Variants in ARAP2 observed in about 807,000 individuals in gnomAD.
ARAP2 encodes ArfGAP with RhoGAP domain, ankyrin repeat and PH domain 2, also known as arf-GAP with Rho-GAP domain, ANK repeat and PH domain-containing protein 2.
A neutral mutation model predicts 194.5 loss-of-function variants in ARAP2; 148 were observed. That is an observed-to-expected ratio of 0.76 (90% CI 0.67 to 0.87). ARAP2 has a LOEUF of 0.87. ARAP2 is among the 40% of genes least tolerant of loss of function. The probability of loss-of-function intolerance (pLI) is 0.00; values close to 1 mark genes in which losing one functional copy is unlikely to be tolerated. For synonymous variants in ARAP2, 695 were observed against 683.5 expected (o/e 1.02, Z -0.26); for missense variants, 2,128 against 1,989.7 (o/e 1.07, Z -1.32).
chr4:36,051,154 C>G (rs1052407704), intron 3 of ARAP2, among the ~76,000 whole-genome samples: 1 of 152,180 alleles, frequency 6.6e-6, no homozygotes, highest in Non-Finnish European at 1.5e-5. Flanking sequence ...TTCTTACTAA[C>G]TAGTTTTAGG....
intron 5 of ARAP2, among the ~76,000 whole-genome samples, chr4:36,034,315 C>G (rs191879810): frequency 1.6e-4 from 25 of 152,132 alleles, no homozygotes; most frequent in African/African-American, 5.5e-4. Context: ...TTCTCTGATT[C>G]CTTTAAGCAG....
intron 27 of ARAP2, among the ~76,000 whole-genome samples, chr4:36,102,853 A>C (rs955815823): frequency 1.3e-5 from 2 of 151,966 alleles, no homozygotes; most frequent in Admixed American, 6.6e-5. Context: ...AGGGTTTCTC[A>C]CCACAGAATT....
At chr4:36,109,652 T>C (rs1050882377) in intron 26 of ARAP2, among the ~76,000 whole-genome samples, 6 of 151,924 alleles carry the variant, frequency 3.9e-5, no homozygotes, top group African/African-American at 1.2e-4. Flanking sequence ...CTAATTGAAG[T>C]TAGATATATT....
intron 2 of ARAP2, among the ~76,000 whole-genome samples, chr4:36,219,740 T>C (rs150211144): frequency 3.9e-5 from 6 of 152,192 alleles, no homozygotes; most frequent in Non-Finnish European, 7.4e-5. Flanking sequence ...ACATAAAATA[T>C]TGGATAAGGT....
chr4:36,166,433 A>C (rs1735303870), intron 10 of ARAP2, among the ~76,000 whole-genome samples: 1 of 152,128 alleles, frequency 6.6e-6, no homozygotes, highest in Non-Finnish European at 1.5e-5. Context: ...TATATAAAAA[A>C]ATGCTAAAGT....
At chr4:36,193,544 A>G (rs1329043979) in intron 7 of ARAP2, 34 bp downstream of exon 7, 3 of 1,493,708 alleles carry the variant, frequency 2.0e-6, no homozygotes, top group African/African-American at 2.8e-5. Context: ...TATGCATAAA[A>G]AAGCAATTTT....
intron 15 of ARAP2, among the ~76,000 whole-genome samples, chr4:36,156,756 G>T (rs1732646177): frequency 6.6e-6 from 1 of 152,096 alleles, no homozygotes; most frequent in Non-Finnish European, 1.5e-5. Flanking sequence ...GACAATCAAA[G>T]AATACCCTGC....
At chr4:36,083,578 G>A in intron 28 of ARAP2, 128 bp from the exon 29 acceptor site, 1 of 657,152 alleles carries the variant, frequency 1.5e-6, no homozygotes, top group Non-Finnish European at 2.5e-6. Flanking sequence ...CATTTCATGA[G>A]TTTAGTAAAT....
At chr4:36,064,844 A>T (rs1397568236), downstream of ARAP2, among the ~76,000 whole-genome samples, 1 of 152,216 alleles carries the variant, frequency 6.6e-6, no homozygotes, top group Admixed American at 6.5e-5. Flanking sequence ...GCCACCATAA[A>T]GGAGAGAAAA....
chr4:36,060,754 CCTT>C (rs1724290007), intron 1 of ARAP2, among the ~76,000 whole-genome samples: 1 of 152,164 alleles, frequency 6.6e-6, no homozygotes, highest in Non-Finnish European at 1.5e-5. Flanking sequence ...CAGACACTCT[CCTT>C]GTTTCCTCAC....
At chr4:36,082,701 C>G (rs943745203) in intron 29 of ARAP2, among the ~76,000 whole-genome samples, 7 of 152,110 alleles carry the variant, frequency 4.6e-5, no homozygotes, top group Non-Finnish European at 1.0e-4. Flanking sequence ...AAATTTTCAG[C>G]AGCAAAATCT....
chr4:36,188,351 T>G (rs898160760), intron 7 of ARAP2, among the ~76,000 whole-genome samples: 8 of 152,140 alleles, frequency 5.3e-5, no homozygotes, highest in Admixed American at 4.6e-4. Context: ...AAAACCCAGC[T>G]ACTGCAATGA....
intron 6 of ARAP2, among the ~76,000 whole-genome samples, chr4:36,193,918 TGTG>T (rs1331656364): frequency 6.6e-6 from 1 of 152,206 alleles, no homozygotes; most frequent in Non-Finnish European, 1.5e-5. Context: ...CACAACAAAA[TGTG>T]GTCAGAAACA....
chr4:36,019,935 A>T (rs568073139), intron 5 of ARAP2, among the ~76,000 whole-genome samples: 14 of 152,302 alleles, frequency 9.2e-5, no homozygotes, highest in African/African-American at 2.6e-4. Context: ...ATAGTGCTGA[A>T]CCCTATATAT....
chr4:36,220,778 AT>A (rs1748973311), intron 2 of ARAP2, among the ~76,000 whole-genome samples: 1 of 152,136 alleles, frequency 6.6e-6, no homozygotes, highest in Non-Finnish European at 1.5e-5. Context: ...TATAAAGAAT[AT>A]TTTTGTGCAG....
chr4:36,160,664 C>T, intron 12 of ARAP2, 23 bp from the exon 13 acceptor site: 2 of 1,413,118 alleles, frequency 1.4e-6, no homozygotes, highest in Non-Finnish European at 9.2e-7. Context: ...AAAAAAAACC[C>T]CATAATATAT....
chr4:36,072,417 A>G (rs1390991685), intron 32 of ARAP2, among the ~76,000 whole-genome samples: 1 of 152,122 alleles, frequency 6.6e-6, no homozygotes, highest in Non-Finnish European at 1.5e-5. Context: ...TATACAGTCA[A>G]TCATCATCTA....
At chr4:36,099,929 C>T (rs1458312707) in intron 27 of ARAP2, among the ~76,000 whole-genome samples, 4 of 152,064 alleles carry the variant, frequency 2.6e-5, no homozygotes, top group Non-Finnish European at 1.5e-5. Context: ...GAATCTAAGG[C>T]AAACACTACA....
At chr4:36,103,722 C>T (rs1238262454) in intron 27 of ARAP2, among the ~76,000 whole-genome samples, 1 of 151,762 alleles carries the variant, frequency 6.6e-6, no homozygotes, top group Non-Finnish European at 1.5e-5. Context: ...AACACACTTA[C>T]TCCTATCTAA....
Sources: gnomAD v4.1 joint callset for allele counts (sites outside exome capture counted in the v4.1 genomes callset) on GRCh38, gnomAD v4.1.1 for gene constraint, MANE v1.5 for transcripts, NCBI Gene and HGNC (gene_info 2026-07-23, HGNC 2026-07-21) for gene names.